The following PCDHA3 variants were observed in gnomAD, a reference collection of about 807,000 sequenced individuals.
PCDHA3 encodes the protein protocadherin alpha 3.
Under a neutral mutation model 62.2 loss-of-function variants are expected in PCDHA3, and 41 were observed. The ratio of observed to expected loss-of-function variants is 0.66; its 90% CI spans 0.51 to 0.86. PCDHA3 has a LOEUF of 0.86. PCDHA3 is among the 40% of genes least tolerant of loss of function. The pLI, the probability that PCDHA3 is intolerant of heterozygous loss-of-function variation, is 0.00. For synonymous variants in PCDHA3, 640 were observed against 555.4 expected, an observed-to-expected ratio of 1.15 and a Z score of -2.14; for missense variants, 1,304 against 1,241.2, an observed-to-expected ratio of 1.05 and a Z score of -0.76.
chr5:140,962,155 G>A (rs977043867), intron 1 of PCDHA3, among the ~76,000 whole-genome samples: 8 of 152,060 alleles, frequency 5.3e-5, no homozygotes, highest in South Asian at 2.1e-4. Flanking sequence ...GATTACAGGC[G>A]TGAGCCACCA....
At chr5:140,967,246 G>A in intron 1 of PCDHA3, 1 of 1,613,594 alleles carries the variant, frequency 6.2e-7, no homozygotes, top group Non-Finnish European at 8.5e-7. Context: ...TAAGCGAATC[G>A]GTGGCGCCTG....
At position 140,850,924 on chromosome 5, in the gene PCDHA3, T is replaced by G. The variant is rs2150502629; in HGVS notation, c.2394+47333T>G. ...TCTAGCATTTTATTTATTTATATAA[T>G]TTTTTTTCTTGAAAGATATTATCGA... On this transcript the variant is annotated intron_variant, in intron 1 of 3. Transcript: ENST00000522353. 179 of 1,517,174 alleles carry G rather than the reference T, an allele frequency of 1.2e-4. 13 individuals carry two copies. The Admixed American group carries it at 3.8e-3, about 32-fold the overall frequency. The allele number at this position is 1,517,174 out of a possible 1,614,324, so 94.0% of individuals were successfully genotyped here. A position where few individuals can be genotyped will look rare whatever the true frequency, so the allele number is the denominator to read the frequency against.
At chr5:140,807,375 T>C (rs1763901819) in intron 1 of PCDHA3, 1 of 1,606,306 alleles carries the variant, frequency 6.2e-7, no homozygotes, top group Non-Finnish European at 8.5e-7. Flanking sequence ...GTGCCGCGCC[T>C]GTTCCGGGTG....
chr5:141,010,285 C>G lies in PCDHA3; in HGVS notation c.*348C>G, dbSNP rs1214485732. ...CTCCGGGGATCCTGTCTTGATGACA[C>G]TTGCAGGGCAGGCTGAAAAGTTTTG... On this transcript the variant is annotated 3_prime_UTR_variant, in exon 4 of 4. Transcript: ENST00000522353. 1.3e-6 allele frequency: 2 copies of G among 1,550,576 alleles called. No individual in the cohort carries two copies. Among genetic ancestry groups the G allele is most frequent in the Non-Finnish European group, 1.7e-6 (2 of 1,146,690 alleles).
Position 140,809,167 on chromosome 5 carries a change from G to A in PCDHA3, c.2394+5576G>A, listed in dbSNP as rs782582127. The A allele has an allele frequency of 8.7e-6, 14 of 1,613,872 alleles. 1 individual carries two copies. The South Asian group carries it at 8.8e-5, about 10-fold the overall frequency. The stretch of plus-strand genomic sequence containing the variant: ...AGGACCACGGCGAGCCCGCGCTGAC[G>A]GCCACGGCCACTGTGCTGGTGTCAC... On this transcript the variant is annotated intron_variant, in intron 1 of 3. Coordinates refer to ENST00000522353, the MANE Select transcript of PCDHA3 (RefSeq NM_018906.3).
chr5:140,829,545 A>G (rs1286115535), intron 1 of PCDHA3: 6 of 1,612,828 alleles, frequency 3.7e-6, no homozygotes, highest in Non-Finnish European at 5.1e-6. Flanking sequence ...GCGGACGCGC[A>G]GGAGAACGCG....
At chr5:140,954,086 C>T (rs2094976679) in intron 1 of PCDHA3, among the ~76,000 whole-genome samples, 1 of 152,212 alleles carries the variant, frequency 6.6e-6, no homozygotes, top group African/African-American at 2.4e-5. Context: ...CTTCCAGCTC[C>T]ATCCATGTCC....
intron 1 of PCDHA3, chr5:140,822,506 C>T (rs2150116897): frequency 2.5e-6 from 4 of 1,613,830 alleles, no homozygotes; most frequent in Non-Finnish European, 2.5e-6. Flanking sequence ...TTTGATAAAT[C>T]CATTTATAAT....
At chr5:140,915,107 C>T (rs1461317939) in intron 1 of PCDHA3, among the ~76,000 whole-genome samples, 1 of 151,880 alleles carries the variant, frequency 6.6e-6, no homozygotes, top group African/African-American at 2.4e-5. Flanking sequence ...CACCACAACA[C>T]CCACCTAATT....
chr5:140,828,926 T>C (rs2150160859), intron 1 of PCDHA3: 9 of 1,614,260 alleles, frequency 5.6e-6, no homozygotes, highest in African/African-American at 5.3e-5. Context: ...GGCAATTTCA[T>C]ATTCTTTTAA....
chr5:140,997,834 C>T (rs1385482729), intron 3 of PCDHA3, among the ~76,000 whole-genome samples: 2 of 152,106 alleles, frequency 1.3e-5, no homozygotes, highest in Non-Finnish European at 2.9e-5. Context: ...CTAAACAATA[C>T]AATATACATT....
chr5:140,858,298 G>A lies in PCDHA3; in HGVS notation c.2394+54707G>A. The A allele has an allele frequency of 1.3e-6, 2 of 1,597,204 alleles. 1 individual carries two copies. Among genetic ancestry groups the A allele is most frequent in the South Asian group, 2.2e-5 (2 of 90,438 alleles). ...CGGTGGGGAGCTGGTCTTACTCGCA[G>A]CAGAGGCGGCAGAGGGTGTGTTCTG... On this transcript the variant is annotated intron_variant, in intron 1 of 3. Transcript: ENST00000522353.
chr5:140,915,453 A>G (rs963973003), intron 1 of PCDHA3, among the ~76,000 whole-genome samples: 13 of 152,232 alleles, frequency 8.5e-5, no homozygotes, highest in African/African-American at 2.9e-4. Context: ...AAGGTTTTCC[A>G]GAAGGTTTTT....
chr5:140,904,195 C>T (rs1554191353), intron 1 of PCDHA3, among the ~76,000 whole-genome samples: 1 of 151,930 alleles, frequency 6.6e-6, no homozygotes, highest in Admixed American at 6.6e-5. Context: ...CCCACCCTTT[C>T]CCCCTAAGTC....
At chr5:140,974,724 C>T (rs893225073) in intron 1 of PCDHA3, among the ~76,000 whole-genome samples, 11 of 152,168 alleles carry the variant, frequency 7.2e-5, no homozygotes, top group Admixed American at 2.6e-4. Flanking sequence ...TGCTCTCGAA[C>T]TCCTGTCTCC....
rs781930086 is a variant in PCDHA3, at chr5:140,857,347, G to C, written c.2394+53756G>C. On this transcript the variant is annotated intron_variant, in intron 1 of 3. Coordinates refer to ENST00000522353, the MANE Select transcript of PCDHA3 (RefSeq NM_018906.3). The stretch of plus-strand genomic sequence containing the variant: ...CCGCGCGGGACGGGGGCTCGCCTCC[G>C]CTGTGGGCCACGGCCAGCGTGTCTG... 2.9e-5 allele frequency: 46 copies of C among 1,598,352 alleles called. 5 individuals are homozygous for C. In the Admixed American group the frequency reaches 3.4e-4, roughly 12 times the overall value.
intron 1 of PCDHA3, among the ~76,000 whole-genome samples, chr5:140,959,643 G>A (rs246006): frequency 0.56 from 85,684 of 152,026 alleles, 24,754 homozygotes; most frequent in African/African-American, 0.69. Flanking sequence ...AAAAAACACA[G>A]AAGCAAAATT....
chr5:140,829,877 G>C, intron 1 of PCDHA3: 1 of 1,613,956 alleles, frequency 6.2e-7, no homozygotes, highest in East Asian at 2.2e-5. Flanking sequence ...GAAGGTGCGC[G>C]CAGTTGACGC....
At chr5:140,864,331 TG>T (rs1554158785) in intron 1 of PCDHA3, 2 of 152,248 alleles carry the variant, frequency 1.3e-5, no homozygotes, top group African/African-American at 4.8e-5. Context: ...CATAATTATT[TG>T]AGTTTAAAAC....
Sources: gnomAD v4.1 joint callset for allele counts (sites outside exome capture counted in the v4.1 genomes callset) on GRCh38, gnomAD v4.1.1 for gene constraint, MANE v1.5 for transcripts, NCBI Gene and HGNC (gene_info 2026-07-23, HGNC 2026-07-21) for gene names.